ANXA3: variants seen among roughly 807,000 people sequenced by gnomAD.
ANXA3 encodes annexin A3, also known as 35-alpha calcimedin.
ANXA3 carries 46 observed loss-of-function variants against 48.8 expected under a neutral mutation model. The ratio of observed to expected loss-of-function variants is 0.94; its 90% confidence interval spans 0.74 to 1.21. ANXA3 has a LOEUF of 1.21. Ranked by LOEUF, ANXA3 falls within the 50% of genes most tolerant of loss-of-function variation. ANXA3 has a pLI of 0.00. For synonymous variants in ANXA3, 128 were observed against 134.7 expected, an observed-to-expected ratio of 0.95 and a Z score of 0.35; for missense variants, 383 against 378.6, an observed-to-expected ratio of 1.01 and a Z score of -0.10.
intron 1 of ANXA3, among the ~76,000 whole-genome samples, chr4:78,553,367 A>G (rs1012028725): frequency 3.9e-5 from 6 of 152,162 alleles, no homozygotes; most frequent in Non-Finnish European, 8.8e-5. Flanking sequence ...ACCGTGCACC[A>G]GTGCACACAG....
chr4:78,608,309 A>G lies in ANXA3; in HGVS notation c.913-1747A>G, dbSNP rs557635109. 3.3e-5 allele frequency among the ~76,000 whole-genome samples: 5 copies of G among 152,308 alleles called. No homozygotes were observed. In the South Asian group the frequency reaches 8.3e-4, roughly 25 times the overall value. ...AGTAGATATTAATAAGGCAAAATGTATGGAGGTAAGGGAGCCAGTAGAACA... is the reference window on the plus strand; with the variant it reads ...AGTAGATATTAATAAGGCAAAATGTGTGGAGGTAAGGGAGCCAGTAGAACA... On this transcript the variant is annotated intron_variant, in intron 12 of 12. Transcript: ENST00000264908.
Position 78,584,420 on chromosome 4 carries a change from C to T in ANXA3, c.313-1840C>T, listed in dbSNP as rs376846173. ...TCAAACTCCTGAGTCAAGCAATCCT[C>T]CTGCCTCGGCCTCTCAAAGTACTGG... On this transcript the variant is annotated intron_variant, in intron 5 of 12. Coordinates refer to ENST00000264908, the MANE Select transcript of ANXA3 (RefSeq NM_005139.3). Among the ~76,000 whole-genome samples the T allele has an allele frequency of 2.8e-4, 42 of 152,248 alleles. No homozygotes were observed. In the East Asian group the frequency reaches 6.0e-3, roughly 22 times the overall value.
rs762300727 is a variant in ANXA3 at position 78,591,597 on chromosome 4, C to T, written c.457C>T (p.Arg153Trp). 1.5e-5 allele frequency: 24 copies of T among 1,613,338 alleles called. No individual in the cohort carries two copies. Among genetic ancestry groups the T allele is most frequent in the East Asian group, 2.2e-5 (1 of 44,852 alleles). Reference protein sequence around the residue: ...DISSETSGDFRKALLTLADGR... With the variant: ...DISSETSGDFWKALLTLADGR... ...TAGTTCCGAAACATCTGGTGACTTC[C>T]GGAAAGCTCTGTTGACTTTGGCAGA... The change falls in exon 7 of 13, where the codon CGG (arginine) becomes TGG (tryptophan). Residue 153 changes from arginine (R) to tryptophan (W), a missense_variant. By Grantham distance (101) the Arg-to-Trp change is moderately radical. Transcript: ENST00000264908.
chr4:78,594,951 T>C lies in ANXA3; in HGVS notation c.484-430T>C, dbSNP rs112667491. The stretch of plus-strand genomic sequence containing the variant: ...GAGTTTGAGACCAGCCTGGGCAACA[T>C]AGCGAGATCCCATCTCTAAAAAAAA... On this transcript the variant is annotated intron_variant, in intron 7 of 12. Coordinates refer to ENST00000264908, the MANE Select transcript of ANXA3 (RefSeq NM_005139.3). 1.2e-3 allele frequency among the ~76,000 whole-genome samples: 188 copies of C among 152,204 alleles called. 1 individual carries two copies. Among genetic ancestry groups the C allele is most frequent in the Middle Eastern group, 3.4e-3 (1 of 294 alleles).
At chr4:78,596,899 AG>A (rs1723434355) in intron 9 of ANXA3, among the ~76,000 whole-genome samples, 1 of 152,228 alleles carries the variant, frequency 6.6e-6, no homozygotes, top group South Asian at 2.1e-4. Context: ...GAAATGATTC[AG>A]CACAAGGAAG....
In ANXA3 at chr4:78,610,138, G is replaced by A. The variant is rs2109829940; in HGVS notation, c.*23G>A. The A allele has an allele frequency of 2.5e-6, 4 of 1,585,984 alleles. No individual in the cohort carries two copies. Among genetic ancestry groups the A allele is most frequent in the Non-Finnish European group, 3.5e-6 (4 of 1,158,060 alleles). ...TGAACCAAGAAGATAATCTCCAAAG[G>A]TCCACGATGGGCTTTCCCAACAGCT... On this transcript the variant is annotated 3_prime_UTR_variant, in exon 13 of 13. Transcript: ENST00000264908.
chr4:78,609,871 T>C (rs193291286), intron 12 of ANXA3, among the ~76,000 whole-genome samples, 185 bp from the exon 13 acceptor site: 2 of 152,150 alleles, frequency 1.3e-5, no homozygotes, highest in Admixed American at 1.3e-4. Flanking sequence ...GTGAAGAAGA[T>C]GCTGGTCAGA....
chr4:78,595,265 T>G, intron 7 of ANXA3, 116 bp from the exon 8 acceptor site: 1 of 1,103,476 alleles, frequency 9.1e-7, no homozygotes, highest in South Asian at 1.3e-5. Context: ...ATGATTTTTC[T>G]GTGCAACCTG....
chr4:78,573,102 T>C, intron 2 of ANXA3, 78 bp from the exon 3 acceptor site: 1 of 1,051,998 alleles, frequency 9.5e-7, no homozygotes, highest in Non-Finnish European at 1.5e-6. Flanking sequence ...GCCTCTCATA[T>C]GCATGAAGGA....
intron 2 of ANXA3, among the ~76,000 whole-genome samples, chr4:78,557,460 T>C (rs1005638263): frequency 5.9e-5 from 9 of 152,312 alleles, no homozygotes; most frequent in East Asian, 3.9e-4. Context: ...ACACAATACA[T>C]TGACAATTCC....
intron 2 of ANXA3, among the ~76,000 whole-genome samples, chr4:78,555,315 A>T: frequency 6.6e-6 from 1 of 152,232 alleles, no homozygotes; most frequent in Non-Finnish European, 1.5e-5. Flanking sequence ...AAAAATATTG[A>T]TCTATTTTAA....
intron 2 of ANXA3, among the ~76,000 whole-genome samples, chr4:78,560,219 C>G (rs896007229): frequency 3.3e-5 from 5 of 152,204 alleles, no homozygotes; most frequent in Non-Finnish European, 2.9e-5. Flanking sequence ...AACTACCCAG[C>G]ATTAGCATCA....
intron 2 of ANXA3, among the ~76,000 whole-genome samples, chr4:78,559,863 GC>G (rs1163583784): frequency 6.6e-6 from 1 of 152,172 alleles, no homozygotes; most frequent in African/African-American, 2.4e-5. Context: ...GCAGTGCCTG[GC>G]ATGGAGTGAG....
intron 9 of ANXA3, 134 bp from the exon 10 acceptor site, chr4:78,597,185 C>T: frequency 1.6e-6 from 1 of 613,252 alleles, no homozygotes. Flanking sequence ...ACTTCTGTGC[C>T]CAGATTTTCA....
At position 78,604,277 on chromosome 4, in the gene ANXA3, G is replaced by A; in HGVS notation, c.790G>A (p.Gly264Ser). ...TGTGAACACCTGCATTCCTTAACAG[G>A]GTATTGGAACTGATGAGTTTACTCT... is the stretch of plus-strand genomic sequence containing the variant. The part of the protein sequence containing the change: ...LAERLHRALK[G>S]IGTDEFTLNR... The change falls in exon 12 of 13, where the codon GGT (glycine) becomes AGT (serine). Residue 264 changes from glycine to serine, a missense_variant and splice_region_variant. By Grantham distance (56) the Gly-to-Ser change is moderately conservative. Transcript: ENST00000264908. 2 of 1,603,196 alleles carry A rather than the reference G, an allele frequency of 1.2e-6. No individual in the cohort carries two copies. The highest frequency in any genetic ancestry group is 1.1e-5 in the South Asian group (1 of 89,726).
chr4:78,569,015 A>G (rs1722785730), intron 2 of ANXA3, among the ~76,000 whole-genome samples: 1 of 152,228 alleles, frequency 6.6e-6, no homozygotes, highest in Admixed American at 6.5e-5. Flanking sequence ...AGTTTATTGC[A>G]AGGATTGAAT....
intron 12 of ANXA3, among the ~76,000 whole-genome samples, chr4:78,606,519 C>A (rs1011854069): frequency 6.6e-6 from 1 of 152,178 alleles, no homozygotes; most frequent in Non-Finnish European, 1.5e-5. Flanking sequence ...TGGCTTAGAC[C>A]ACATTCCAGT....
At chr4:78,556,444 G>A (rs762356390) in intron 2 of ANXA3, among the ~76,000 whole-genome samples, 1 of 152,114 alleles carries the variant, frequency 6.6e-6, no homozygotes, top group Non-Finnish European at 1.5e-5. Context: ...TTGTGGAAAG[G>A]TGGAATTGTG....
In ANXA3 at chr4:78,590,938, T is replaced by C. The variant is rs193140822; in HGVS notation, c.404-606T>C. Among the ~76,000 whole-genome samples the C allele has an allele frequency of 3.4e-3, 522 of 152,218 alleles. 3 individuals are homozygous for C. The highest frequency in any genetic ancestry group is 0.012 in the African/African-American group (497 of 41,494). Reference sequence around the variant, plus strand: ...AACTCAGACTTCTTCTTGATTACTTTTATGCCATCACTAAGAAGTGGTCCT... The same window carrying C: ...AACTCAGACTTCTTCTTGATTACTTCTATGCCATCACTAAGAAGTGGTCCT... On this transcript the variant is annotated intron_variant, in intron 6 of 12. Coordinates refer to ENST00000264908, the MANE Select transcript of ANXA3 (RefSeq NM_005139.3).
Sources: allele counts gnomAD v4.1 joint callset (sites outside exome capture counted in the v4.1 genomes callset), GRCh38; gene constraint gnomAD v4.1.1; transcripts MANE v1.5; gene names NCBI Gene and HGNC (gene_info 2026-07-23, HGNC 2026-07-21).